Variants in HNF1B observed in about 807,000 individuals in gnomAD.
The protein encoded by HNF1B is HNF1 homeobox B.
A neutral mutation model predicts 61.7 loss-of-function variants in HNF1B; 8 were observed. The ratio of observed to expected loss-of-function variants is 0.13; its 90% CI spans 0.08 to 0.23. The LOEUF (loss-of-function observed/expected upper bound fraction) is 0.23, where lower values mean the gene tolerates loss of function less well. Among genes scored for constraint, HNF1B ranks in the 10% least tolerant of loss-of-function variants. The pLI is 1.00. For missense variants in HNF1B, 562 were observed against 714.5 expected, an observed-to-expected ratio of 0.79 and a Z score of 2.43; for synonymous variants, 314 against 287.7, an observed-to-expected ratio of 1.09 and a Z score of -0.93.
chr17:37,737,841 TTAAATAAA>T lies in HNF1B; in HGVS notation c.544+1591_544+1598del, dbSNP rs554122367. Among the ~76,000 whole-genome samples the T allele has an allele frequency of 5.3e-5, 8 of 151,870 alleles. No individual in the cohort carries two copies. The East Asian group carries it at 1.4e-3, about 26-fold the overall frequency. On this transcript the variant is annotated intron_variant, in intron 2 of 8. Coordinates refer to ENST00000617811, the MANE Select transcript of HNF1B (RefSeq NM_000458.4). ...CAGAGCGAGACCCCGTCTCAAAAAG[TTAAATAAA>T]TAAATAAATAAATAAAACAAAAATA...
chr17:37,699,481 C>T (rs909906674), intron 7 of HNF1B, among the ~76,000 whole-genome samples: 1 of 152,250 alleles, frequency 6.6e-6, no homozygotes, highest in East Asian at 1.9e-4. Context: ...GCAAAGGTCA[C>T]TGGCTGTTGC....
rs116523701 is a variant in HNF1B, at chr17:37,717,464, G to A, written c.1046-6801C>T. On this transcript the variant is annotated intron_variant, in intron 4 of 8. Coordinates refer to ENST00000617811, the MANE Select transcript of HNF1B (RefSeq NM_000458.4). ...TAAACTCAGGCAGGAGAGAGCATGC[G>A]AAGGAGAAAGCTCTTCCAAAAGGTA... is the stretch of plus-strand genomic sequence containing the variant. 4.0e-3 allele frequency among the ~76,000 whole-genome samples: 616 copies of A among 152,294 alleles called. 2 individuals are homozygous for A. The highest frequency in any genetic ancestry group is 0.014 in the African/African-American group (591 of 41,550).
At chr17:37,689,571 A>G (rs2032119307) in intron 8 of HNF1B, among the ~76,000 whole-genome samples, 1 of 152,236 alleles carries the variant, frequency 6.6e-6, no homozygotes, top group African/African-American at 2.4e-5. Context: ...CAAACATCTG[A>G]TAAGGGGTGC....
chr17:37,688,948 C>T (rs1482771326), intron 8 of HNF1B, among the ~76,000 whole-genome samples: 1 of 152,090 alleles, frequency 6.6e-6, no homozygotes, highest in Non-Finnish European at 1.5e-5. Context: ...AGATCGAGAT[C>T]AGCCTGGCCA....
At chr17:37,692,053 G>A (rs1014111271) in intron 8 of HNF1B, among the ~76,000 whole-genome samples, 4 of 152,216 alleles carry the variant, frequency 2.6e-5, no homozygotes, top group Admixed American at 1.3e-4. Context: ...CCAGACTAGC[G>A]GGGCATTGTT....
chr17:37,719,930 TC>T (rs2033252979), intron 4 of HNF1B, among the ~76,000 whole-genome samples: 1 of 152,190 alleles, frequency 6.6e-6, no homozygotes, highest in African/African-American at 2.4e-5. Context: ...CCTGGCCAGA[TC>T]CCAGCCTCTT....
At chr17:37,728,188 G>C (rs1355358718) in intron 4 of HNF1B, among the ~76,000 whole-genome samples, 5 of 150,940 alleles carry the variant, frequency 3.3e-5, no homozygotes, top group African/African-American at 9.8e-5. Context: ...TTTTAGTAGA[G>C]ATGGGGTTTC....
At chr17:37,715,425 A>T (rs2033073560) in intron 4 of HNF1B, among the ~76,000 whole-genome samples, 1 of 152,170 alleles carries the variant, frequency 6.6e-6, no homozygotes, top group African/African-American at 2.4e-5. Flanking sequence ...TGAAAGTGTA[A>T]ATCTGTTCCA....
At chr17:37,711,597 A>G (rs1216904283) in intron 4 of HNF1B, among the ~76,000 whole-genome samples, 2 of 152,218 alleles carry the variant, frequency 1.3e-5, no homozygotes, top group African/African-American at 4.8e-5. Context: ...GCAGATGGAA[A>G]TCCTGCTTGA....
At chr17:37,708,529 A>C (rs2032826694) in intron 5 of HNF1B, among the ~76,000 whole-genome samples, 1 of 152,192 alleles carries the variant, frequency 6.6e-6, no homozygotes, top group East Asian at 1.9e-4. Context: ...GGAAACCCCA[A>C]GGACCTTCAA....
chr17:37,719,130 ATT>A (rs2033221809), intron 4 of HNF1B, among the ~76,000 whole-genome samples: 1 of 108,574 alleles, frequency 9.2e-6, no homozygotes, highest in Non-Finnish European at 1.9e-5. Flanking sequence ...TATTATTATT[ATT>A]GTTATTATTA....
At chr17:37,716,242 G>C (rs764295934) in intron 4 of HNF1B, among the ~76,000 whole-genome samples, 1 of 152,324 alleles carries the variant, frequency 6.6e-6, no homozygotes, top group Admixed American at 6.5e-5. Context: ...CTGTCACCTA[G>C]TCTGGAGTAC....
chr17:37,705,199 G>A (rs2032703545), intron 5 of HNF1B, 150 bp from the exon 6 acceptor site: 2 of 920,366 alleles, frequency 2.2e-6, no homozygotes. Flanking sequence ...GCTGGGCATG[G>A]TGCTTCACCC....
At chr17:37,736,550 C>T (rs540406788) in intron 2 of HNF1B, among the ~76,000 whole-genome samples, 1 of 152,276 alleles carries the variant, frequency 6.6e-6, no homozygotes, top group South Asian at 2.1e-4. Context: ...GGCTTGCAGG[C>T]TCCTAACTAC....
intron 4 of HNF1B, among the ~76,000 whole-genome samples, chr17:37,724,517 G>C (rs927824375): frequency 1.3e-5 from 2 of 152,256 alleles, no homozygotes; most frequent in East Asian, 3.9e-4. Flanking sequence ...GCCTGTTTTT[G>C]TATGACCCAC....
intron 8 of HNF1B, among the ~76,000 whole-genome samples, chr17:37,688,505 T>C (rs2032068307): frequency 6.6e-6 from 1 of 152,158 alleles, no homozygotes. Flanking sequence ...GATACCATTA[T>C]GTCTATTTGA....
intron 8 of HNF1B, among the ~76,000 whole-genome samples, chr17:37,687,850 G>A (rs1273205189): frequency 2.6e-5 from 4 of 152,122 alleles, no homozygotes; most frequent in Admixed American, 2.0e-4. Flanking sequence ...GTACCAGAGA[G>A]CCTGTGAAAA....
intron 4 of HNF1B, among the ~76,000 whole-genome samples, chr17:37,720,026 G>A (rs764554158): frequency 5.3e-5 from 8 of 152,082 alleles, no homozygotes; most frequent in African/African-American, 9.7e-5. Flanking sequence ...GCCGATCACC[G>A]GCAGGCCCAA....
chr17:37,712,795 A>G (rs948233384), intron 4 of HNF1B, among the ~76,000 whole-genome samples: 3 of 152,158 alleles, frequency 2.0e-5, no homozygotes, highest in African/African-American at 7.2e-5. Flanking sequence ...TTTGGATTAG[A>G]GGTAACATCT....
Sources: gnomAD v4.1 joint callset for allele counts (sites outside exome capture counted in the v4.1 genomes callset) on GRCh38, gnomAD v4.1.1 for gene constraint, MANE v1.5 for transcripts, NCBI Gene and HGNC (gene_info 2026-07-23, HGNC 2026-07-21) for gene names.